HLA-DMA: variants seen among roughly 807,000 people sequenced by gnomAD.
HLA-DMA encodes major histocompatibility complex, class II, DM alpha, also known as HLA class II histocompatibility antigen, DM alpha chain.
Under a neutral mutation model 27.3 loss-of-function variants are expected in HLA-DMA, and 20 were observed. The ratio of observed to expected loss-of-function variants is 0.73; its 90% confidence interval spans 0.52 to 1.07. HLA-DMA has a LOEUF of 1.07. Ranked by LOEUF, HLA-DMA falls within the 50% of genes least tolerant of loss-of-function variation. HLA-DMA has a pLI of 0.00. For missense variants in HLA-DMA, 241 were observed against 321.7 expected, an observed-to-expected ratio of 0.75 and a Z score of 1.92; for synonymous variants, 111 against 126.8, an observed-to-expected ratio of 0.88 and a Z score of 0.83.
rs199940435 is a variant in HLA-DMA at position 32,949,388 on chromosome 6, C to T, written c.664G>A (p.Ala222Thr). 147 of 1,613,814 alleles carry T rather than the reference C, an allele frequency of 9.1e-5. No homozygotes were observed. The highest frequency in any genetic ancestry group is 1.1e-4 in the Non-Finnish European group (128 of 1,179,940). The stretch of plus-strand genomic sequence containing the variant: ...TTCTCCAGCAGATCTGAGGGCAGTG[C>T]GTTCCGGGGTACTGGAGGAAATGAG... ...TAIAYWVPRN[A>T]LPSDLLENVL... Residue 222 changes from alanine to threonine, a missense_variant, in exon 4 of 5, where the codon GCA becomes ACA. By Grantham distance (58) the Ala-to-Thr change is moderately conservative. Coordinates refer to ENST00000374843, the MANE Select transcript of HLA-DMA (RefSeq NM_006120.4). The surrounding 1 kb of genome is among the most constrained non-coding windows in gnomAD (Gnocchi z 5.8).
Position 32,952,589 on chromosome 6 carries a change from A to G in HLA-DMA, c.88+360T>C, listed in dbSNP as rs149103864. 335 of 426,176 alleles carry G rather than the reference A, an allele frequency of 7.9e-4. 9 individuals carry two copies. The East Asian group carries it at 0.017, about 21-fold the overall frequency. 26.4% of individuals were successfully genotyped at this position (426,176 alleles called of 1,614,324 possible). ...CTTTTCAAGAATCACAAGATAAGTT[A>G]ATGATAGAAAGCAGAGTAGAATCTT... is the stretch of plus-strand genomic sequence containing the variant. On this transcript the variant is annotated intron_variant, in intron 1 of 4. Transcript: ENST00000374843.
Position 32,948,667 on chromosome 6 carries a change from T to C in HLA-DMA, c.*197A>G. ...GTGGGGGGAAGGGATGTGGTTGTGATAGGCAGGCCACTCTGGGATCCCTGG... is the reference window on the plus strand; with the variant it reads ...GTGGGGGGAAGGGATGTGGTTGTGACAGGCAGGCCACTCTGGGATCCCTGG... On this transcript the variant is annotated 3_prime_UTR_variant, in exon 5 of 5. Coordinates refer to ENST00000374843, the MANE Select transcript of HLA-DMA (RefSeq NM_006120.4). The C allele has an allele frequency of 3.1e-6, 2 of 648,780 alleles. No homozygotes were observed. The highest frequency in any genetic ancestry group is 2.8e-5 in the East Asian group (1 of 36,318). 40.2% of individuals were successfully genotyped at this position (648,780 alleles called of 1,614,324 possible). A position where few individuals can be genotyped will look rare whatever the true frequency, so the allele number is the denominator to read the frequency against.
chr6:32,950,277 C>T lies in HLA-DMA; in HGVS notation c.373+242G>A, dbSNP rs1776836511. ...ACAAGTGTTAATATTCAGTAGGTAT[C>T]AGTTGGTACCTGTTGAATTCATCAC... On this transcript the variant is annotated intron_variant, in intron 2 of 4. Transcript: ENST00000374843. The surrounding 1 kb of genome is among the most constrained non-coding windows in gnomAD (Gnocchi z 5.0). 1 of 604,506 alleles carries T rather than the reference C, an allele frequency of 1.7e-6. No individual in the cohort carries two copies. Among genetic ancestry groups the T allele is most frequent in the Non-Finnish European group, 2.9e-6 (1 of 340,934 alleles). 37.4% of individuals were successfully genotyped at this position (604,506 alleles called of 1,614,324 possible). A position where few individuals can be genotyped will look rare whatever the true frequency, so the allele number is the denominator to read the frequency against.
intron 1 of HLA-DMA, among the ~76,000 whole-genome samples, chr6:32,951,302 C>T (rs1243571468): frequency 6.6e-6 from 1 of 151,974 alleles, no homozygotes; most frequent in African/African-American, 2.4e-5. Flanking sequence ...ATAAAAAGGC[C>T]AGTTGGCAAA....
chr6:32,950,404 A>G lies in HLA-DMA; in HGVS notation c.373+115T>C. 7.6e-7 allele frequency: 1 copy of G among 1,311,898 alleles called. No individual in the cohort carries two copies. Among genetic ancestry groups the G allele is most frequent in the South Asian group, 1.4e-5 (1 of 72,972 alleles). The allele number at this position is 1,311,898 out of a possible 1,614,324, so 81.3% of individuals were successfully genotyped here. On this transcript the variant is annotated intron_variant, in intron 2 of 4. Transcript: ENST00000374843. This position sits in a 1 kb window ranked among gnomAD's most constrained non-coding sequence, Gnocchi z 5.0. ...GGCTGGTGGAAAAATTAAGGTGATGAAGAGAACCAGAAAGTATTTGAGATG... is the reference window on the plus strand; with the variant it reads ...GGCTGGTGGAAAAATTAAGGTGATGGAGAGAACCAGAAAGTATTTGAGATG...
At position 32,950,835 on chromosome 6, in the gene HLA-DMA, G is replaced by T. The variant is rs1337929423; in HGVS notation, c.89-32C>A. On this transcript the variant is annotated intron_variant, in intron 1 of 4. Transcript: ENST00000374843. The surrounding 1 kb of genome is among the most constrained non-coding windows in gnomAD (Gnocchi z 5.0). Reference sequence around the variant, plus strand: ...AGGACACAGGGTGAGGTTCAGGGAGGTGGGAGCCTTCTCCTCCAACTTAAA... The same window carrying T: ...AGGACACAGGGTGAGGTTCAGGGAGTTGGGAGCCTTCTCCTCCAACTTAAA... 6.3e-7 allele frequency: 1 copy of T among 1,594,472 alleles called. No homozygotes were observed.
In HLA-DMA at chr6:32,948,648, G is replaced by A; in HGVS notation, c.*216C>T. The A allele has an allele frequency of 1.6e-6, 1 of 613,266 alleles. No individual in the cohort carries two copies. The highest frequency in any genetic ancestry group is 2.9e-6 in the Non-Finnish European group (1 of 342,028). 38.0% of individuals were successfully genotyped at this position (613,266 alleles called of 1,614,324 possible). A position where few individuals can be genotyped will look rare whatever the true frequency, so the allele number is the denominator to read the frequency against. ...AAATGAGATTTATTGCCTTGTGGGG[G>A]GAAGGGATGTGGTTGTGATAGGCAG... On this transcript the variant is annotated 3_prime_UTR_variant, in exon 5 of 5. Transcript: ENST00000374843.
intron 1 of HLA-DMA, among the ~76,000 whole-genome samples, chr6:32,951,877 C>T (rs1283410867): frequency 1.3e-5 from 2 of 151,726 alleles, no homozygotes; most frequent in African/African-American, 4.9e-5. Flanking sequence ...TGCAGGGAGC[C>T]GAGATCACGT....
rs1776797769 is a variant in HLA-DMA, at chr6:32,949,562, AT to A, written c.652+48del. 9 of 1,608,528 alleles carry A rather than the reference AT, an allele frequency of 5.6e-6. No individual in the cohort carries two copies. The Admixed American group carries it at 1.5e-4, about 27-fold the overall frequency. ...GAAAGAAGCCTCCTCCCATGGATCT[AT>A]CCCTTTTTGCCCCCAAAAGGACCAG... On this transcript the variant is annotated intron_variant, in intron 3 of 4. Transcript: ENST00000374843. The surrounding 1 kb of genome is among the most constrained non-coding windows in gnomAD (Gnocchi z 5.8).
chr6:32,952,851 TAA>T, intron 1 of HLA-DMA, 96 bp downstream of exon 1: 1 of 877,404 alleles, frequency 1.1e-6, no homozygotes, highest in South Asian at 1.5e-5. Flanking sequence ...CACTGCCTCA[TAA>T]GACTTCCCAC....
rs1345500964 is a variant in HLA-DMA, at chr6:32,949,438, G to A, written c.653-39C>T. 1.2e-6 allele frequency: 2 copies of A among 1,612,018 alleles called. No homozygotes were observed. Among genetic ancestry groups the A allele is most frequent in the Non-Finnish European group, 1.7e-6 (2 of 1,178,884 alleles). ...GTGGCTCAGCCTGGGGACCTAGTTA[G>A]GGAGCCTCCCACCCAGGGAAATGAC... On this transcript the variant is annotated intron_variant, in intron 3 of 4. Transcript: ENST00000374843. The surrounding 1 kb of genome is among the most constrained non-coding windows in gnomAD (Gnocchi z 5.8).
Position 32,950,442 on chromosome 6 carries a change from C to G in HLA-DMA, c.373+77G>C. On this transcript the variant is annotated intron_variant, in intron 2 of 4. Transcript: ENST00000374843. This position sits in a 1 kb window ranked among gnomAD's most constrained non-coding sequence, Gnocchi z 5.0. ...AGTATTTGAGATGGGGAGCTGGTAT[C>G]AAGGGGAATTATTCAGTGTACAGAT... 3 of 1,485,532 alleles carry G rather than the reference C, an allele frequency of 2.0e-6. No individual in the cohort carries two copies. Among genetic ancestry groups the G allele is most frequent in the Non-Finnish European group, 9.3e-7 (1 of 1,080,812 alleles). The allele number at this position is 1,485,532 out of a possible 1,614,324, so 92.0% of individuals were successfully genotyped here. A position where few individuals can be genotyped will look rare whatever the true frequency, so the allele number is the denominator to read the frequency against.
Position 32,949,135 on chromosome 6 carries a change from G to T in HLA-DMA, c.781+136C>A. 1 of 1,191,494 alleles carries T rather than the reference G, an allele frequency of 8.4e-7. No homozygotes were observed. Among genetic ancestry groups the T allele is most frequent in the Non-Finnish European group, 1.2e-6 (1 of 838,656 alleles). 73.8% of individuals were successfully genotyped at this position (1,191,494 alleles called of 1,614,324 possible). The stretch of plus-strand genomic sequence containing the variant: ...TGGGAAGATGTGCCCCCATGGTGCT[G>T]GATACAGGCCCCCACACCCAAGGGC... On this transcript the variant is annotated intron_variant, in intron 4 of 4. Transcript: ENST00000374843. The surrounding 1 kb of genome is among the most constrained non-coding windows in gnomAD (Gnocchi z 5.8).
Position 32,949,654 on chromosome 6 carries a change from A to T in HLA-DMA, c.609T>A (p.Ile203=). The T allele has an allele frequency of 6.2e-7, 1 of 1,613,102 alleles. No individual in the cohort carries two copies. The highest frequency in any genetic ancestry group is 1.1e-5 in the South Asian group (1 of 91,086). The change falls in exon 3 of 5, where the codon ATT becomes ATA. Residue 203 remains isoleucine (I), a synonymous_variant. Coordinates refer to ENST00000374843, the MANE Select transcript of HLA-DMA (RefSeq NM_006120.4). This position sits in a 1 kb window ranked among gnomAD's most constrained non-coding sequence, Gnocchi z 5.8. ...TGTAGCGGTCAATTTCGTGAGTCACAATGCAGGAGAAAATGTCAGAAGGTT... is the reference window on the plus strand; with the variant it reads ...TGTAGCGGTCAATTTCGTGAGTCACTATGCAGGAGAAAATGTCAGAAGGTT... ...TPEPSDIFSC[I]VTHEIDRYTA... is the part of the protein sequence containing the mutation.
At position 32,952,937 on chromosome 6, in the gene HLA-DMA, G is replaced by A; in HGVS notation, c.88+12C>T. 6.2e-7 allele frequency: 1 copy of A among 1,600,482 alleles called. No individual in the cohort carries two copies. Among genetic ancestry groups the A allele is most frequent in the African/African-American group, 1.3e-5 (1 of 74,700 alleles). On this transcript the variant is annotated intron_variant, in intron 1 of 4. Transcript: ENST00000374843. The stretch of plus-strand genomic sequence containing the variant: ...AGGTTCAGGATGGAAGTAAATAGGA[G>A]TACCATCTTACCTTCAGGGACGGCC...
intron 1 of HLA-DMA, chr6:32,952,337 T>C (rs748177162): frequency 1.9e-5 from 9 of 471,098 alleles, no homozygotes; most frequent in Admixed American, 1.9e-4. Context: ...TCTCTCAAAA[T>C]GTCTTCTGTT....
In HLA-DMA at chr6:32,950,892, C is replaced by G. The variant is rs1776868368; in HGVS notation, c.89-89G>C. On this transcript the variant is annotated intron_variant, in intron 1 of 4. Coordinates refer to ENST00000374843, the MANE Select transcript of HLA-DMA (RefSeq NM_006120.4). This position sits in a 1 kb window ranked among gnomAD's most constrained non-coding sequence, Gnocchi z 5.0. The stretch of plus-strand genomic sequence containing the variant: ...CAAGGTGGGGCTAGGCGCAGTGGCT[C>G]ATGCCTGTAATCCCAGCACTTTGGG... The G allele has an allele frequency of 7.4e-7, 1 of 1,360,246 alleles. No homozygotes were observed. Among genetic ancestry groups the G allele is most frequent in the South Asian group, 1.3e-5 (1 of 75,498 alleles). The allele number at this position is 1,360,246 out of a possible 1,614,324, so 84.3% of individuals were successfully genotyped here.
rs1776834377 is a variant in HLA-DMA, at chr6:32,950,211, A to C, written c.373+308T>G. The C allele has an allele frequency of 1.7e-6, 1 of 591,278 alleles. No individual in the cohort carries two copies. The highest frequency in any genetic ancestry group is 2.8e-5 in the East Asian group (1 of 35,836). The allele number at this position is 591,278 out of a possible 1,614,324, so 36.6% of individuals were successfully genotyped here. A position where few individuals can be genotyped will look rare whatever the true frequency, so the allele number is the denominator to read the frequency against. ...CACTAAGACATAGTCACGTCATCAG[A>C]TATTTCCACTCTTCCCATCCATCTT... On this transcript the variant is annotated intron_variant, in intron 2 of 4. Transcript: ENST00000374843. This position sits in a 1 kb window ranked among gnomAD's most constrained non-coding sequence, Gnocchi z 5.0.
chr6:32,952,911 T>C, intron 1 of HLA-DMA, 38 bp downstream of exon 1: 1 of 1,515,888 alleles, frequency 6.6e-7, no homozygotes, highest in South Asian at 1.1e-5. Context: ...GTGGGCTCCC[T>C]AGGTTCAGGA....
Sources: gnomAD v4.1 joint callset for allele counts (sites outside exome capture counted in the v4.1 genomes callset) on GRCh38, gnomAD v4.1.1 for gene constraint, Gnocchi (gnomAD v3.1) non-coding constraint, MANE v1.5 for transcripts, NCBI Gene and HGNC (gene_info 2026-07-23, HGNC 2026-07-21) for gene names.